CIZ1: variants seen among roughly 807,000 people sequenced by gnomAD.
CIZ1 encodes the protein CDKN1A interacting zinc finger protein 1, also known as cip1-interacting zinc finger protein.
A neutral mutation model predicts 118.6 loss-of-function variants in CIZ1; 58 were observed. That is an observed-to-expected ratio of 0.49 (90% CI 0.40 to 0.61). The LOEUF (loss-of-function observed/expected upper bound fraction) is 0.61, where lower values mean the gene tolerates loss of function less well. Among genes scored for constraint, CIZ1 ranks in the 20% least tolerant of loss-of-function variants. The pLI is 0.00. For synonymous variants in CIZ1, 448 were observed against 443.4 expected (o/e 1.01, Z -0.13); for missense variants, 921 against 1,115.9 (o/e 0.83, Z 2.49).
chr9:128,201,920 C>T (rs1833534637), intron 1 of CIZ1, among the ~76,000 whole-genome samples: 1 of 152,192 alleles, frequency 6.6e-6, no homozygotes, highest in South Asian at 2.1e-4. Flanking sequence ...AGATTCCTCC[C>T]CACAAGGGTC....
At chr9:128,189,217 G>T (rs558972268) in intron 3 of CIZ1, among the ~76,000 whole-genome samples, 1 of 152,142 alleles carries the variant, frequency 6.6e-6, no homozygotes, top group Non-Finnish European at 1.5e-5. Flanking sequence ...GATTACAGGC[G>T]TGAGCCACAA....
Position 128,166,562 on chromosome 9 carries a change from C to G in CIZ1, c.2488-156G>C. 1.1e-6 allele frequency: 1 copy of G among 919,300 alleles called. No homozygotes were observed. 56.9% of individuals were successfully genotyped at this position (919,300 alleles called of 1,614,324 possible). On this transcript the variant is annotated intron_variant, in intron 16 of 16. Transcript: ENST00000372938. This position sits in a 1 kb window ranked among gnomAD's most constrained non-coding sequence, Gnocchi z 4.4. ...CTCTCTGGGCCGTCTCTGGAGCTAA[C>G]AGCCTGGCACTCAGCATCCCCTTGA... is the stretch of plus-strand genomic sequence containing the variant.
chr9:128,180,641 G>A, intron 6 of CIZ1, 80 bp downstream of exon 6: 1 of 1,357,120 alleles, frequency 7.4e-7, no homozygotes. Flanking sequence ...TCCCACACCT[G>A]CCTCTATCAC....
intron 11 of CIZ1, among the ~76,000 whole-genome samples, chr9:128,174,030 A>AC (rs10638585): frequency 0.51 from 76,727 of 149,552 alleles, 22,992 homozygotes; most frequent in Admixed American, 0.68. Flanking sequence ...AAAACAAAAA[A>AC]AAAAAACAAA....
At chr9:128,169,339 G>T in intron 13 of CIZ1, 67 bp downstream of exon 13, 1 of 1,407,522 alleles carries the variant, frequency 7.1e-7, no homozygotes, top group Non-Finnish European at 9.8e-7. Flanking sequence ...ACCTCAACTT[G>T]CTACACAGCC....
At chr9:128,168,993 G>C in intron 14 of CIZ1, 59 bp downstream of exon 14, 1 of 1,608,926 alleles carries the variant, frequency 6.2e-7, no homozygotes, top group Non-Finnish European at 8.5e-7. Context: ...GTGGGATGAG[G>C]TCTGTCCTGG....
At chr9:128,180,958 G>A (rs1831523150) in intron 5 of CIZ1, 144 bp from the exon 6 acceptor site, 2 of 646,200 alleles carry the variant, frequency 3.1e-6, no homozygotes, top group Non-Finnish European at 5.4e-6. Flanking sequence ...TTGCCGAGTG[G>A]ATGATCTTAG....
At chr9:128,174,980 G>A (rs147199515) in intron 11 of CIZ1, among the ~76,000 whole-genome samples, 1 of 152,236 alleles carries the variant, frequency 6.6e-6, no homozygotes, top group East Asian at 1.9e-4. Flanking sequence ...ATGGCCTCAG[G>A]GCCAAGTAGG....
intron 11 of CIZ1, among the ~76,000 whole-genome samples, chr9:128,173,054 T>TC (rs1830334672): frequency 6.7e-6 from 1 of 149,466 alleles, no homozygotes; most frequent in African/African-American, 2.5e-5. Flanking sequence ...AGCCTCTACC[T>TC]CCTGGGCTCG....
rs373421556 is a variant in CIZ1, at chr9:128,203,757, C to A, written c.-6+429G>T. 31 of 890,158 alleles carry A rather than the reference C, an allele frequency of 3.5e-5. No individual in the cohort carries two copies. The highest frequency in any genetic ancestry group is 1.2e-4 in the South Asian group (3 of 24,056). The allele number at this position is 890,158 out of a possible 1,614,324, so 55.1% of individuals were successfully genotyped here. On this transcript the variant is annotated intron_variant, in intron 1 of 17. Transcript: ENST00000372948. This position sits in a 1 kb window ranked among gnomAD's most constrained non-coding sequence, Gnocchi z 5.3. Reference sequence around the variant, plus strand: ...CTGCACCCGCGGCCGGCGCGCCCCCCACCCCCAGCCGGAGCGAGGAGGCCC... The same window carrying A: ...CTGCACCCGCGGCCGGCGCGCCCCCAACCCCCAGCCGGAGCGAGGAGGCCC...
At chr9:128,190,307 A>G in intron 3 of CIZ1, 22 bp downstream of exon 3, 3 of 1,548,014 alleles carry the variant, frequency 1.9e-6, no homozygotes, top group Non-Finnish European at 2.7e-6. Flanking sequence ...GAGACTGAGA[A>G]GAGGCCTGGG....
In CIZ1 at chr9:128,178,358, C is replaced by G; in HGVS notation, c.1620+11G>C. On this transcript the variant is annotated intron_variant, in intron 9 of 16. Transcript: ENST00000372938. Reference sequence around the variant, plus strand: ...TGGCCCTCACACTGCCACATCAGGGCCTCTACCCACCCCTGGCATCTCTCT... The same window carrying G: ...TGGCCCTCACACTGCCACATCAGGGGCTCTACCCACCCCTGGCATCTCTCT... 1 of 1,611,198 alleles carries G rather than the reference C, an allele frequency of 6.2e-7. No homozygotes were observed. Among genetic ancestry groups the G allele is most frequent in the Non-Finnish European group, 8.5e-7 (1 of 1,178,876 alleles).
At chr9:128,174,458 C>T (rs998030487) in intron 11 of CIZ1, among the ~76,000 whole-genome samples, 1 of 152,124 alleles carries the variant, frequency 6.6e-6, no homozygotes, top group African/African-American at 2.4e-5. Context: ...CCCCTGGGTC[C>T]AGCTGTATCT....
rs529658906 is a variant in CIZ1 at position 128,182,606 on chromosome 9, C to T, written c.589-1792G>A. On this transcript the variant is annotated intron_variant, in intron 5 of 16. Coordinates refer to ENST00000372938, the MANE Select transcript of CIZ1 (RefSeq NM_001131016.2). ...ACGGGCCTCTGCACACTACCTGCCC[C>T]GGCCATGCCCCCGCAACCAGCCCTC... Among the ~76,000 whole-genome samples the T allele has an allele frequency of 5.3e-4, 80 of 152,268 alleles. 1 individual carries two copies. The South Asian group carries it at 0.012, about 24-fold the overall frequency.
Position 128,166,511 on chromosome 9 carries a change from CTG to C in CIZ1, c.2488-107_2488-106del. ...CTGGCTGAGACAGTATTAGTGTGCT[CTG>C]TGACCCTGCGTGATGCACTCGGCCT... On this transcript the variant is annotated intron_variant, in intron 16 of 16. Coordinates refer to ENST00000372938, the MANE Select transcript of CIZ1 (RefSeq NM_001131016.2). This position sits in a 1 kb window ranked among gnomAD's most constrained non-coding sequence, Gnocchi z 4.4. 1 of 1,066,578 alleles carries C rather than the reference CTG, an allele frequency of 9.4e-7. No individual in the cohort carries two copies. Among genetic ancestry groups the C allele is most frequent in the Non-Finnish European group, 1.3e-6 (1 of 744,972 alleles). The allele number at this position is 1,066,578 out of a possible 1,614,324, so 66.1% of individuals were successfully genotyped here. A position where few individuals can be genotyped will look rare whatever the true frequency, so the allele number is the denominator to read the frequency against.
rs770268684 is a variant in CIZ1 at position 128,178,530 on chromosome 9, G to A, written c.1499-40C>T. The A allele has an allele frequency of 1.9e-6, 3 of 1,613,618 alleles. No homozygotes were observed. The South Asian group carries it at 3.3e-5, about 18-fold the overall frequency. On this transcript the variant is annotated intron_variant, in intron 8 of 16. Transcript: ENST00000372938. ...GTGCTGTATTTCCCAGAGTCCCCAGGCCCAAGAGCTGCCTTCTCCGTCCGC... is the reference window on the plus strand; with the variant it reads ...GTGCTGTATTTCCCAGAGTCCCCAGACCCAAGAGCTGCCTTCTCCGTCCGC...
upstream of CIZ1, among the ~76,000 whole-genome samples, chr9:128,193,011 G>A (rs1049504649): frequency 6.6e-6 from 1 of 152,218 alleles, no homozygotes; most frequent in Non-Finnish European, 1.5e-5. Flanking sequence ...AGGGCGCTCG[G>A]GCAGCAGAAT....
upstream of CIZ1, among the ~76,000 whole-genome samples, chr9:128,193,490 C>T (rs1833296774): frequency 6.6e-6 from 1 of 151,990 alleles, no homozygotes; most frequent in Admixed American, 6.6e-5. Context: ...GCAAGTGGAT[C>T]ACTTAAGGTC....
chr9:128,185,738 C>T lies in CIZ1; in HGVS notation c.397G>A (p.Ala133Thr), dbSNP rs1404137822. The T allele has an allele frequency of 1.2e-6, 2 of 1,612,968 alleles. No homozygotes were observed. Among genetic ancestry groups the T allele is most frequent in the East Asian group, 2.2e-5 (1 of 44,856 alleles). Residue 133 changes from alanine (A) to threonine (T), a missense_variant, in exon 5 of 17, where the codon GCA becomes ACA. Physicochemically the swap from Ala to Thr is moderately conservative, Grantham distance 58 (BLOSUM62 0). Coordinates refer to ENST00000372938, the MANE Select transcript of CIZ1 (RefSeq NM_001131016.2). ...RGYGMASPGL[A>T]APSLTPPQLA... ...TGTGGGGGTGTGAGGCTGGGGGCTG[C>T]GAGGCCTGGGGATGCCATGCCATAG...
Sources: allele counts gnomAD v4.1 joint callset (sites outside exome capture counted in the v4.1 genomes callset), GRCh38; gene constraint gnomAD v4.1.1; non-coding constraint Gnocchi (gnomAD v3.1); transcripts MANE v1.5; gene names NCBI Gene and HGNC (gene_info 2026-07-23, HGNC 2026-07-21).